HABP2: variants seen among roughly 807,000 people sequenced by gnomAD.
HABP2 encodes the protein factor VII-activating protease.
In HABP2, 65 loss-of-function variants were observed where a neutral mutation model predicts 66.5. The ratio of observed to expected loss-of-function variants is 0.98; its 90% confidence interval spans 0.80 to 1.20. HABP2 has a LOEUF of 1.20. Among genes scored for constraint, HABP2 ranks in the 50% most tolerant of loss-of-function variants. The probability of loss-of-function intolerance (pLI) is 0.00; values close to 1 mark genes in which losing one functional copy is unlikely to be tolerated. For missense variants in HABP2, 786 were observed against 691.0 expected (o/e 1.14, Z -1.54); for synonymous variants, 263 against 253.9 (o/e 1.04, Z -0.34).
intron 1 of HABP2, 92 bp downstream of exon 1, chr10:113,553,282 T>C: frequency 1.0e-6 from 1 of 954,492 alleles, no homozygotes; most frequent in Non-Finnish European, 1.7e-6. Flanking sequence ...AACTTTAGAG[T>C]GAAAGGCTGG....
chr10:113,588,695 G>GACTC lies in HABP2; in HGVS notation c.*327_*330dup. ...CCACCACAGGCATCCTGCAAATGCA[G>GACTC]ACTCCAGAATCCCCAGCATCAGCGG... On this transcript the variant is annotated 3_prime_UTR_variant, in exon 13 of 13. Coordinates refer to ENST00000351270, the MANE Select transcript of HABP2 (RefSeq NM_004132.5). 1 of 537,534 alleles carries GACTC rather than the reference G, an allele frequency of 1.9e-6. No homozygotes were observed. The highest frequency in any genetic ancestry group is 3.3e-6 in the Non-Finnish European group (1 of 306,234). 33.3% of individuals were successfully genotyped at this position (537,534 alleles called of 1,614,324 possible).
intron 9 of HABP2, among the ~76,000 whole-genome samples, 179 bp downstream of exon 9, chr10:113,582,310 C>T (rs898297229): frequency 7.9e-5 from 12 of 152,190 alleles, no homozygotes; most frequent in African/African-American, 2.9e-4. Context: ...GAATGTTTAC[C>T]ATGGGCACTG....
chr10:113,586,224 T>C (rs1035077183), intron 12 of HABP2, among the ~76,000 whole-genome samples: 2 of 152,326 alleles, frequency 1.3e-5, no homozygotes, highest in East Asian at 1.9e-4. Flanking sequence ...ATTTTACAGA[T>C]GCTTAGAGAA....
At chr10:113,584,086 G>C in intron 10 of HABP2, 62 bp from the exon 11 acceptor site, 2 of 1,499,676 alleles carry the variant, frequency 1.3e-6, no homozygotes, top group Non-Finnish European at 1.8e-6. Context: ...GCAAGTTGGA[G>C]CTGGTGCTTC....
Position 113,588,594 on chromosome 10 carries a change from A to ATCAACACAACATAGTATGTTTGC in HABP2, c.*227_*249dup. On this transcript the variant is annotated 3_prime_UTR_variant, in exon 13 of 13. Coordinates refer to ENST00000351270, the MANE Select transcript of HABP2 (RefSeq NM_004132.5). ...CCTTGGTAACCCAAGGAATGATGGA[A>ATCAACACAACATAGTATGTTTGC]TCAACACAACATAGTATGTTTGCTT... is the stretch of plus-strand genomic sequence containing the variant. The ATCAACACAACATAGTATGTTTGC allele has an allele frequency of 1.8e-6, 1 of 544,000 alleles. No individual in the cohort carries two copies. Among genetic ancestry groups the ATCAACACAACATAGTATGTTTGC allele is most frequent in the Non-Finnish European group, 3.2e-6 (1 of 309,410 alleles). 33.7% of individuals were successfully genotyped at this position (544,000 alleles called of 1,614,324 possible).
intron 1 of HABP2, among the ~76,000 whole-genome samples, chr10:113,555,238 A>C (rs1381708350): frequency 6.6e-6 from 1 of 152,332 alleles, no homozygotes; most frequent in African/African-American, 2.4e-5. Context: ...ACAGAAACGA[A>C]GCTGGAAAAC....
At chr10:113,569,920 T>A (rs1323057628) in intron 2 of HABP2, 1 of 152,308 alleles carries the variant, frequency 6.6e-6, no homozygotes, top group African/African-American at 2.4e-5. Flanking sequence ...TCCACACATC[T>A]GGCAAGCTCC....
rs371724336 is a variant in HABP2 at position 113,578,375 on chromosome 10, C to T, written c.568+230C>T. Reference sequence around the variant, plus strand: ...TGGGCATCCCTAGGCCCTAGCCCACCTTCCATCAGTTCTTGTGTGAGCCAG... The same window carrying T: ...TGGGCATCCCTAGGCCCTAGCCCACTTTCCATCAGTTCTTGTGTGAGCCAG... On this transcript the variant is annotated intron_variant, in intron 6 of 12. Transcript: ENST00000351270. Among the ~76,000 whole-genome samples the T allele has an allele frequency of 1.6e-4, 24 of 152,322 alleles. No individual in the cohort carries two copies. In the South Asian group the frequency reaches 4.8e-3, roughly 30 times the overall value.
chr10:113,574,298 C>T lies in HABP2; in HGVS notation c.116C>T (p.Pro39Leu). Residue 39 changes from proline (P) to leucine (L), a missense_variant, in exon 3 of 13, where the codon CCT (proline) becomes CTT (leucine). By Grantham distance (98) the Pro-to-Leu change is moderately conservative. Coordinates refer to ENST00000351270, the MANE Select transcript of HABP2 (RefSeq NM_004132.5). ...GTTACCATCCCTGCAGACTGGACCC[C>T]TGACCAGTATGATTACAGCTACGAG... ...LLESLDPDWT[P>L]DQYDYSYEDY... is the part of the protein sequence containing the mutation. 8 of 1,565,614 alleles carry T rather than the reference C, an allele frequency of 5.1e-6. No homozygotes were observed. Among genetic ancestry groups the T allele is most frequent in the Non-Finnish European group, 7.0e-6 (8 of 1,135,582 alleles).
At chr10:113,556,804 C>CTTTTTTTT (rs66685949) in intron 1 of HABP2, among the ~76,000 whole-genome samples, 65 of 105,080 alleles carry the variant, frequency 6.2e-4, no homozygotes, top group Non-Finnish European at 9.0e-4. Flanking sequence ...TTCTTTTATT[C>CTTTTTTTT]TTTTTTTTTT....
chr10:113,562,727 A>G (rs4547031), intron 1 of HABP2, among the ~76,000 whole-genome samples: 146,734 of 152,372 alleles, frequency 0.96, 70,751 homozygotes, highest in East Asian at 1. Context: ...TTACAGGCGT[A>G]AGCCACTGCG....
intron 7 of HABP2, among the ~76,000 whole-genome samples, chr10:113,579,319 T>A (rs946893108): frequency 3.9e-5 from 6 of 151,954 alleles, no homozygotes; most frequent in African/African-American, 1.5e-4. Flanking sequence ...GGGTTGGTGG[T>A]GATGATGGCA....
intron 9 of HABP2, 36 bp downstream of exon 9, chr10:113,582,167 G>C (rs1373874798): frequency 1.3e-6 from 2 of 1,576,836 alleles, no homozygotes; most frequent in East Asian, 2.2e-5. Flanking sequence ...AGGGTGGCTT[G>C]AGTGGCTGGG....
chr10:113,557,409 C>A (rs908961094), intron 1 of HABP2, among the ~76,000 whole-genome samples: 1 of 152,066 alleles, frequency 6.6e-6, no homozygotes, highest in African/African-American at 2.4e-5. Context: ...TATACAGGCA[C>A]GGGTATATTT....
At chr10:113,577,360 T>C (rs1320935957) in intron 5 of HABP2, 94 bp downstream of exon 5, 4 of 732,628 alleles carry the variant, frequency 5.5e-6, no homozygotes, top group Admixed American at 4.0e-5. Flanking sequence ...TCTGATGTTT[T>C]TGTGGCAGGC....
chr10:113,587,507 A>G (rs1255485274), intron 12 of HABP2, among the ~76,000 whole-genome samples: 1 of 62,478 alleles, frequency 1.6e-5, no homozygotes, highest in Non-Finnish European at 3.4e-5. Flanking sequence ...ATGGAAATCT[A>G]TCTATAAGAT....
intron 1 of HABP2, among the ~76,000 whole-genome samples, chr10:113,564,137 A>C (rs745802893): frequency 6.6e-6 from 1 of 152,200 alleles, no homozygotes; most frequent in Non-Finnish European, 1.5e-5. Flanking sequence ...CACGTCTTAC[A>C]TGGTGGCAGG....
chr10:113,589,587 A>G lies in HABP2; in HGVS notation c.*1218A>G. 6.5e-7 allele frequency: 1 copy of G among 1,531,140 alleles called. No homozygotes were observed. Among genetic ancestry groups the G allele is most frequent in the Admixed American group, 2.0e-5 (1 of 49,636 alleles). The allele number at this position is 1,531,140 out of a possible 1,614,324, so 94.8% of individuals were successfully genotyped here. A position where few individuals can be genotyped will look rare whatever the true frequency, so the allele number is the denominator to read the frequency against. On this transcript the variant is annotated 3_prime_UTR_variant, in exon 13 of 13. Transcript: ENST00000351270. ...AGCTAGCTGACCTTTGGCCAAAAAT[A>G]AACTTTGAAAAGAAACAATGAGTTT...
At chr10:113,572,612 A>AT (rs1432418230) in intron 2 of HABP2, 6 of 416,832 alleles carry the variant, frequency 1.4e-5, no homozygotes, top group Non-Finnish European at 2.4e-5. Flanking sequence ...TCAGAAAAAC[A>AT]TTTTTTTCCT....
Sources: allele counts gnomAD v4.1 joint callset (sites outside exome capture counted in the v4.1 genomes callset), GRCh38; gene constraint gnomAD v4.1.1; transcripts MANE v1.5; gene names NCBI Gene and HGNC (gene_info 2026-07-23, HGNC 2026-07-21).